Variants in SLC24A2 observed in about 807,000 individuals in gnomAD.
The protein encoded by SLC24A2 is solute carrier family 24 member 2.
SLC24A2 carries 36 observed loss-of-function variants against 62.0 expected under a neutral mutation model. That is an observed-to-expected ratio of 0.58 (90% CI 0.44 to 0.77). The LOEUF is 0.77. Among genes scored for constraint, SLC24A2 ranks in the 30% least tolerant of loss-of-function variants. The probability of loss-of-function intolerance (pLI) is 0.00; values close to 1 mark genes in which losing one functional copy is unlikely to be tolerated. For synonymous variants in SLC24A2, 358 were observed against 294.0 expected (o/e 1.22, Z -2.23); for missense variants, 846 against 817.9 (o/e 1.03, Z -0.42).
At chr9:19,589,761 G>GT (rs1392814608) in intron 5 of SLC24A2, among the ~76,000 whole-genome samples, 1 of 152,028 alleles carries the variant, frequency 6.6e-6, no homozygotes, top group Non-Finnish European at 1.5e-5. Flanking sequence ...CATAGTCTTG[G>GT]TGGCAGCTTA....
At chr9:20,226,445 C>G in the SLC24A2 span, among the ~76,000 whole-genome samples, 1 of 152,122 alleles carries the variant, frequency 6.6e-6, no homozygotes, top group Non-Finnish European at 1.5e-5. Flanking sequence ...AAACTCACAG[C>G]CTTTACCTTC....
chr9:19,887,368 T>C, the SLC24A2 span, among the ~76,000 whole-genome samples: 1 of 152,198 alleles, frequency 6.6e-6, no homozygotes, highest in African/African-American at 2.4e-5. Context: ...CTGTTCACTC[T>C]GTTGATAGTG....
chr9:19,600,551 C>T (rs1563990750), intron 4 of SLC24A2, among the ~76,000 whole-genome samples: 1 of 152,146 alleles, frequency 6.6e-6, no homozygotes, highest in Admixed American at 6.5e-5. Context: ...TTATCATCCT[C>T]GAACAGTGAA....
At chr9:20,165,887 C>T in the SLC24A2 span, among the ~76,000 whole-genome samples, 1 of 151,672 alleles carries the variant, frequency 6.6e-6, no homozygotes, top group Admixed American at 6.6e-5. Flanking sequence ...ATATGTATCA[C>T]AGAAAAAGAA....
chr9:19,776,882 G>A (rs1822861586), intron 2 of SLC24A2, among the ~76,000 whole-genome samples: 3 of 152,146 alleles, frequency 2.0e-5, no homozygotes, highest in Non-Finnish European at 4.4e-5. Context: ...TTAGGTCACT[G>A]AGGGTGAATC....
At chr9:19,815,960 T>A in the SLC24A2 span, among the ~76,000 whole-genome samples, 2 of 6,692 alleles carry the variant, frequency 3.0e-4, no homozygotes, top group African/African-American at 6.4e-4. Context: ...TTTTTGCCCC[T>A]TTTTTTTTTT....
intron 2 of SLC24A2, among the ~76,000 whole-genome samples, chr9:19,732,365 A>G (rs1047781707): frequency 5.9e-5 from 9 of 152,162 alleles, no homozygotes; most frequent in Non-Finnish European, 1.2e-4. Context: ...GTGGCCTGAG[A>G]CCACCTCTTG....
At chr9:19,814,602 A>C in the SLC24A2 span, among the ~76,000 whole-genome samples, 1 of 152,316 alleles carries the variant, frequency 6.6e-6, no homozygotes, top group Non-Finnish European at 1.5e-5. Flanking sequence ...TTCTAAAGGT[A>C]AATAATCAAA....
the SLC24A2 span, among the ~76,000 whole-genome samples, chr9:20,003,767 A>G: frequency 4.6e-5 from 7 of 152,292 alleles, no homozygotes; most frequent in African/African-American, 1.7e-4. Context: ...CTGTATTCCA[A>G]TAAAACTTTA....
chr9:20,119,841 T>C, the SLC24A2 span, among the ~76,000 whole-genome samples: 1 of 152,212 alleles, frequency 6.6e-6, no homozygotes, highest in Admixed American at 6.5e-5. Context: ...AACAAAATTG[T>C]TTACATAGAA....
intron 7 of SLC24A2, among the ~76,000 whole-genome samples, chr9:19,564,151 C>A (rs1563969160): frequency 6.6e-6 from 1 of 151,984 alleles, no homozygotes; most frequent in Non-Finnish European, 1.5e-5. Flanking sequence ...AGCCACCATG[C>A]CTGGCCATGA....
At chr9:19,549,632 G>A (rs964839282) in intron 8 of SLC24A2, among the ~76,000 whole-genome samples, 3 of 152,174 alleles carry the variant, frequency 2.0e-5, no homozygotes, top group Admixed American at 6.5e-5. Context: ...CGTCCCAGCT[G>A]AGCCTAACCT....
At chr9:20,040,326 A>G in the SLC24A2 span, among the ~76,000 whole-genome samples, 1 of 152,240 alleles carries the variant, frequency 6.6e-6, no homozygotes, top group East Asian at 1.9e-4. Context: ...TTTTGCTCTA[A>G]GGAATGTGAA....
the SLC24A2 span, among the ~76,000 whole-genome samples, chr9:20,142,793 A>T: frequency 6.6e-6 from 1 of 151,986 alleles, no homozygotes; most frequent in African/African-American, 2.4e-5. Context: ...ACGGGGTTTC[A>T]CCGTGTTGGT....
chr9:19,571,876 T>C (rs961909926), intron 7 of SLC24A2, among the ~76,000 whole-genome samples: 4 of 152,058 alleles, frequency 2.6e-5, no homozygotes, highest in African/African-American at 7.2e-5. Flanking sequence ...AATTGTACAG[T>C]TGGACGGTCC....
At chr9:19,620,535 G>C (rs571760236) in intron 3 of SLC24A2, among the ~76,000 whole-genome samples, 2 of 152,198 alleles carry the variant, frequency 1.3e-5, no homozygotes, top group East Asian at 3.8e-4. Flanking sequence ...GAACTGGTAC[G>C]TGACAAGGAA....
the SLC24A2 span, among the ~76,000 whole-genome samples, chr9:20,268,671 C>T: frequency 6.6e-6 from 1 of 152,164 alleles, no homozygotes; most frequent in African/African-American, 2.4e-5. Flanking sequence ...TTATATAGCC[C>T]AGTTTTAGGT....
the SLC24A2 span, among the ~76,000 whole-genome samples, chr9:20,066,391 C>T: frequency 6.6e-6 from 1 of 151,912 alleles, no homozygotes; most frequent in African/African-American, 2.4e-5. Context: ...GAAGAAAGAT[C>T]ACAGGATGAA....
At chr9:19,869,846 T>A in the SLC24A2 span, among the ~76,000 whole-genome samples, 1 of 152,218 alleles carries the variant, frequency 6.6e-6, no homozygotes, top group Non-Finnish European at 1.5e-5. Flanking sequence ...TATTTAGTGC[T>A]TTTCATTTGT....
Sources: allele counts gnomAD v4.1 joint callset (sites outside exome capture counted in the v4.1 genomes callset), GRCh38; gene constraint gnomAD v4.1.1; transcripts MANE v1.5; gene names NCBI Gene and HGNC (gene_info 2026-07-23, HGNC 2026-07-21).